Variants in TBC1D30 observed in about 807,000 individuals in gnomAD.
TBC1D30 encodes TBC1 domain family member 30.
Under a neutral mutation model 63.2 loss-of-function variants are expected in TBC1D30, and 31 were observed. That is an observed-to-expected ratio of 0.49 (90% CI 0.37 to 0.66). The LOEUF (loss-of-function observed/expected upper bound fraction) is 0.66. TBC1D30 is among the 30% of genes least tolerant of loss of function. The pLI is 0.00. For missense variants in TBC1D30, 810 were observed against 953.6 expected (o/e 0.85, Z 1.98); for synonymous variants, 307 against 361.5 (o/e 0.85, Z 1.71).
chr12:64,825,979 T>C (rs530036781), intron 1 of TBC1D30, among the ~76,000 whole-genome samples: 6 of 152,208 alleles, frequency 3.9e-5, no homozygotes, highest in Non-Finnish European at 8.8e-5. Context: ...CGGCACTGCC[T>C]TTCCCAACCT....
chr12:64,813,041 G>T (rs955334934), intron 2 of TBC1D30, among the ~76,000 whole-genome samples: 1 of 152,144 alleles, frequency 6.6e-6, no homozygotes. Context: ...GGGTGACCTG[G>T]CGGCATTGTT....
upstream of TBC1D30, among the ~76,000 whole-genome samples, chr12:64,820,197 C>T (rs1339136894): frequency 6.6e-6 from 1 of 152,140 alleles, no homozygotes; most frequent in African/African-American, 2.4e-5. Context: ...AATCACAGGT[C>T]TCAGACCCAC....
intron 1 of TBC1D30, among the ~76,000 whole-genome samples, chr12:64,773,465 A>G (rs541647362): frequency 3.9e-5 from 6 of 152,192 alleles, no homozygotes; most frequent in Non-Finnish European, 8.8e-5. Flanking sequence ...CCAGCACAGC[A>G]TGGCTGCTCT....
Position 64,824,768 on chromosome 12 carries a change from G to C in TBC1D30, c.-112G>C, listed in dbSNP as rs868772593. ...CCGGCTGTGCGCTCCCTGCTCCCAC[G>C]GGCCGGTCAGCCGCAGACACTCACC... On this transcript the variant is annotated 5_prime_UTR_variant, in exon 1 of 12. Transcript: ENST00000539867. The C allele has an allele frequency of 1.2e-4, 173 of 1,388,888 alleles. No homozygotes were observed. In the Middle Eastern group the frequency reaches 3.4e-3, roughly 27 times the overall value. The allele number at this position is 1,388,888 out of a possible 1,614,324, so 86.0% of individuals were successfully genotyped here. A position where few individuals can be genotyped will look rare whatever the true frequency, so the allele number is the denominator to read the frequency against.
chr12:64,798,944 C>G (rs1278772141), intron 2 of TBC1D30, among the ~76,000 whole-genome samples: 1 of 151,848 alleles, frequency 6.6e-6, no homozygotes, highest in African/African-American at 2.4e-5. Context: ...TCCCGAGTAG[C>G]TGGGACTACA....
intron 8 of TBC1D30, among the ~76,000 whole-genome samples, chr12:64,857,143 CTG>C (rs1240846372): frequency 6.6e-6 from 1 of 152,138 alleles, no homozygotes; most frequent in Non-Finnish European, 1.5e-5. Flanking sequence ...ACTTTTCCCT[CTG>C]TTTTTCTCAA....
At chr12:64,831,278 A>G (rs1292180322) in intron 4 of TBC1D30, among the ~76,000 whole-genome samples, 1 of 152,228 alleles carries the variant, frequency 6.6e-6, no homozygotes, top group Non-Finnish European at 1.5e-5. Context: ...TTTCAGACAA[A>G]TGCTAAAAAA....
intron 8 of TBC1D30, among the ~76,000 whole-genome samples, chr12:64,851,960 T>G (rs374641157): frequency 3.3e-5 from 5 of 152,310 alleles, no homozygotes; most frequent in Non-Finnish European, 7.4e-5. Flanking sequence ...ATTTTTTCCT[T>G]CATTTCAACC....
chr12:64,774,822 G>GTGGCTCATGTCTGTAA (rs1871017880), intron 1 of TBC1D30, among the ~76,000 whole-genome samples: 2 of 152,218 alleles, frequency 1.3e-5, no homozygotes, highest in African/African-American at 4.8e-5. Context: ...GCCGGGCATG[G>GTGGCTCATGTCTGTAA]TGGCTCATGT....
At chr12:64,779,613 C>G (rs922165398), upstream of TBC1D30, among the ~76,000 whole-genome samples, 1 of 152,122 alleles carries the variant, frequency 6.6e-6, no homozygotes, top group Admixed American at 6.5e-5. Flanking sequence ...TGAACAAACA[C>G]GAAACACCAG....
rs1878946484 is a variant in TBC1D30, at chr12:64,875,157, T to A, written c.1655T>A (p.Val552Asp). Residue 552 changes from valine (V) to aspartate (D), a missense_variant, in exon 12 of 12, where the codon GTC becomes GAC. Physicochemically the swap from Val to Asp is radical, Grantham distance 152. Around this residue, in one of 4 missense-constraint regions of TBC1D30, gnomAD observed 450 missense variants for 473.0 expected, o/e 0.95. Coordinates refer to ENST00000539867, the MANE Select transcript of TBC1D30 (RefSeq NM_015279.2). ...PGHTGGKISP[V>D]PYEDLKTKLN... ...CACACAGGAGGGAAAATATCTCCTG[T>A]CCCCTACGAAGACCTTAAGACGAAG... 2 of 1,536,240 alleles carry A rather than the reference T, an allele frequency of 1.3e-6. No individual in the cohort carries two copies. Among genetic ancestry groups the A allele is most frequent in the Non-Finnish European group, 1.7e-6 (2 of 1,146,912 alleles).
chr12:64,864,870 G>A, intron 9 of TBC1D30, 90 bp downstream of exon 9: 2 of 932,502 alleles, frequency 2.1e-6, no homozygotes, highest in Non-Finnish European at 3.2e-6. Context: ...AAGCCCCAGA[G>A]ATATGTTAAA....
intron 2 of TBC1D30, among the ~76,000 whole-genome samples, chr12:64,787,970 G>T (rs1201373718): frequency 6.6e-6 from 1 of 152,114 alleles, no homozygotes; most frequent in Non-Finnish European, 1.5e-5. Context: ...GGAGGCGGGG[G>T]TTGCAGTGAG....
At chr12:64,765,030 C>T (rs1249950895) in intron 1 of TBC1D30, among the ~76,000 whole-genome samples, 1 of 152,172 alleles carries the variant, frequency 6.6e-6, no homozygotes, top group Non-Finnish European at 1.5e-5. Context: ...GTAAAAAGTA[C>T]TGTGCACCCA....
chr12:64,832,360 G>T, intron 5 of TBC1D30, 56 bp downstream of exon 5: 1 of 1,467,448 alleles, frequency 6.8e-7, no homozygotes, highest in South Asian at 1.3e-5. Context: ...TGAGAAATTG[G>T]AACCATAATT....
At chr12:64,838,955 T>A in intron 7 of TBC1D30, 104 bp downstream of exon 7, 1 of 1,157,176 alleles carries the variant, frequency 8.6e-7, no homozygotes, top group Non-Finnish European at 1.2e-6. Context: ...GAGAAAGTTG[T>A]GAACTTTTAA....
At chr12:64,864,263 A>G (rs547141007) in intron 8 of TBC1D30, among the ~76,000 whole-genome samples, 1 of 152,262 alleles carries the variant, frequency 6.6e-6, no homozygotes, top group Admixed American at 6.5e-5. Flanking sequence ...CTGACATTAA[A>G]TGTCTAAAAA....
intron 6 of TBC1D30, among the ~76,000 whole-genome samples, chr12:64,837,516 A>G (rs909020730): frequency 6.6e-5 from 10 of 151,948 alleles, no homozygotes; most frequent in African/African-American, 2.4e-4. Flanking sequence ...CACCGTTCAC[A>G]ATAGGCCTTG....
exon 1 of TBC1D30, chr12:64,781,157 A>G (rs1871261029): frequency 9.8e-7 from 1 of 1,021,348 alleles, no homozygotes; most frequent in East Asian, 1.1e-4. Flanking sequence ...CAGCCTCGAC[A>G]GCTCCACCGA....
Sources: allele counts gnomAD v4.1 joint callset (sites outside exome capture counted in the v4.1 genomes callset), GRCh38; gene constraint gnomAD v4.1.1; regional missense constraint gnomAD v4.1.1; transcripts MANE v1.5; gene names NCBI Gene and HGNC (gene_info 2026-07-23, HGNC 2026-07-21).